CLASP1: variants seen among roughly 807,000 people sequenced by gnomAD.
The protein encoded by CLASP1 is CLIP-associating protein 1.
CLASP1 carries 38 observed loss-of-function variants against 192.3 expected under a neutral mutation model. The ratio of observed to expected loss-of-function variants is 0.20; its 90% confidence interval spans 0.15 to 0.26. The LOEUF (loss-of-function observed/expected upper bound fraction) is 0.26, where lower values mean the gene tolerates loss of function less well. Among genes scored for constraint, CLASP1 ranks in the 10% least tolerant of loss-of-function variants. The pLI is 1.00. For missense variants in CLASP1, 1,433 were observed against 1,932.5 expected, an observed-to-expected ratio of 0.74 and a Z score of 4.85; for synonymous variants, 691 against 712.8, an observed-to-expected ratio of 0.97 and a Z score of 0.49.
intron 39 of CLASP1, among the ~76,000 whole-genome samples, chr2:121,344,448 C>CA (rs2063192370): frequency 1.3e-5 from 2 of 152,030 alleles, no homozygotes; most frequent in Non-Finnish European, 2.9e-5. Context: ...TCTCCTGCCT[C>CA]GGCCTCCTGA....
At chr2:121,427,361 A>G (rs978249533) in intron 21 of CLASP1, 43 bp downstream of exon 21, 1 of 1,569,258 alleles carries the variant, frequency 6.4e-7, no homozygotes, top group Non-Finnish European at 8.7e-7. Context: ...GAGAATGCCA[A>G]CAACAACAAC....
intron 22 of CLASP1, among the ~76,000 whole-genome samples, chr2:121,422,197 C>G (rs1031678061): frequency 7.2e-5 from 11 of 152,212 alleles, no homozygotes; most frequent in Admixed American, 3.9e-4. Flanking sequence ...AGGGTCCAAC[C>G]AGGACTCATA....
At chr2:121,587,525 G>A (rs2061857892) in intron 2 of CLASP1, among the ~76,000 whole-genome samples, 1 of 152,122 alleles carries the variant, frequency 6.6e-6, no homozygotes, top group African/African-American at 2.4e-5. Flanking sequence ...AATATGTGAT[G>A]AATAAACAAG....
rs183957722 is a variant in CLASP1, at chr2:121,343,459, A to C, written c.4531-2512T>G. Among the ~76,000 whole-genome samples the C allele has an allele frequency of 5.9e-5, 9 of 152,342 alleles. No individual in the cohort carries two copies. The East Asian group carries it at 1.7e-3, about 29-fold the overall frequency. ...GATGAGCAGATAAACAAACCATGCA[A>C]TCTACACACAATGGACATTCAGTCT... On this transcript the variant is annotated intron_variant, in intron 39 of 39. Transcript: ENST00000263710.
intron 34 of CLASP1, among the ~76,000 whole-genome samples, chr2:121,369,567 T>C (rs1170238235): frequency 6.6e-6 from 1 of 152,218 alleles, no homozygotes; most frequent in Admixed American, 6.5e-5. Context: ...CTCCCAATTC[T>C]AATCACTGTT....
At chr2:121,547,761 C>G (rs1286679199) in intron 2 of CLASP1, among the ~76,000 whole-genome samples, 1 of 152,064 alleles carries the variant, frequency 6.6e-6, no homozygotes, top group African/African-American at 2.4e-5. Context: ...AAGAGTGTAC[C>G]ATGACCAGTA....
intron 33 of CLASP1, among the ~76,000 whole-genome samples, chr2:121,380,511 AAAGCAGCCCTGG>A (rs72345871): frequency 0.2 from 30,776 of 152,114 alleles, 5,840 homozygotes; most frequent in African/African-American, 0.5. Flanking sequence ...ATGGAAGCTG[AAAGCAGCCCTGG>A]GCTTGCCCGC....
chr2:121,491,573 A>G (rs188805269), intron 8 of CLASP1, among the ~76,000 whole-genome samples: 2 of 152,314 alleles, frequency 1.3e-5, no homozygotes, highest in African/African-American at 4.8e-5. Flanking sequence ...CTTACAAATA[A>G]TTTGCTTTTT....
At chr2:121,488,945 G>A (rs951653939) in intron 8 of CLASP1, among the ~76,000 whole-genome samples, 11 of 152,234 alleles carry the variant, frequency 7.2e-5, no homozygotes, top group South Asian at 6.2e-4. Context: ...TGAAAGAATC[G>A]TCTTTATTTT....
intron 37 of CLASP1, among the ~76,000 whole-genome samples, chr2:121,350,533 C>T (rs772405950): frequency 1.2e-4 from 19 of 152,310 alleles, no homozygotes; most frequent in South Asian, 4.1e-4. Flanking sequence ...CTCCAGAAGA[C>T]GCTCGGCTTC....
chr2:121,428,738 T>C (rs1223874332), intron 20 of CLASP1, among the ~76,000 whole-genome samples: 11 of 152,144 alleles, frequency 7.2e-5, no homozygotes, highest in Admixed American at 7.2e-4. Flanking sequence ...CCTACTGAAG[T>C]AGACAGGGAT....
chr2:121,398,200 C>A, intron 29 of CLASP1, 122 bp downstream of exon 30: 1 of 723,390 alleles, frequency 1.4e-6, no homozygotes, highest in South Asian at 1.9e-5. Flanking sequence ...CACAAAGAAT[C>A]AAACAAGAAT....
chr2:121,354,930 C>T (rs1313119422), intron 37 of CLASP1, among the ~76,000 whole-genome samples: 1 of 152,112 alleles, frequency 6.6e-6, no homozygotes, highest in Non-Finnish European at 1.5e-5. Flanking sequence ...AACTGATTGC[C>T]GGGTTCGTGG....
chr2:121,542,372 G>C (rs935217810), intron 2 of CLASP1, among the ~76,000 whole-genome samples: 1 of 152,168 alleles, frequency 6.6e-6, no homozygotes, highest in Non-Finnish European at 1.5e-5. Context: ...ACTGTGCCCT[G>C]CTGATTTCTA....
chr2:121,383,950 C>T (rs2072414964), intron 32 of CLASP1, among the ~76,000 whole-genome samples: 2 of 149,254 alleles, frequency 1.3e-5, no homozygotes, highest in South Asian at 2.1e-4. Flanking sequence ...ATCTCTACTA[C>T]TACTGGGTTG....
chr2:121,581,957 C>A (rs1295044902), intron 2 of CLASP1, among the ~76,000 whole-genome samples: 1 of 151,930 alleles, frequency 6.6e-6, no homozygotes, highest in Non-Finnish European at 1.5e-5. Flanking sequence ...CCCAGGCGGG[C>A]GGATCACTTG....
intron 2 of CLASP1, among the ~76,000 whole-genome samples, chr2:121,580,645 A>G (rs947681117): frequency 3.9e-5 from 6 of 152,228 alleles, no homozygotes; most frequent in Non-Finnish European, 5.9e-5. Flanking sequence ...CATCGCCTGG[A>G]TAAACATGTA....
intron 22 of CLASP1, among the ~76,000 whole-genome samples, chr2:121,419,146 A>G (rs17006463): frequency 0.13 from 19,559 of 152,204 alleles, 1,717 homozygotes; most frequent in African/African-American, 0.24. Flanking sequence ...TTTCTTAGAA[A>G]GGTAATTTAA....
chr2:121,635,815 T>A (rs991723428), intron 1 of CLASP1, among the ~76,000 whole-genome samples: 1 of 152,210 alleles, frequency 6.6e-6, no homozygotes, highest in Non-Finnish European at 1.5e-5. Context: ...TTGTCAAAAA[T>A]GAAAAGGCAA....
Sources: allele counts gnomAD v4.1 joint callset (sites outside exome capture counted in the v4.1 genomes callset), GRCh38; gene constraint gnomAD v4.1.1; transcripts MANE v1.5; gene names NCBI Gene and HGNC (gene_info 2026-07-23, HGNC 2026-07-21).